The following COL7A1 variants were observed in gnomAD, a reference collection of about 807,000 sequenced individuals.
The protein encoded by COL7A1 is collagen alpha-1(VII) chain.
Under a neutral mutation model 456.2 loss-of-function variants are expected in COL7A1, and 296 were observed. The observed-to-expected ratio is 0.65, with a 90% confidence interval of 0.59 to 0.71. COL7A1 has a LOEUF of 0.71. COL7A1 is among the 30% of genes least tolerant of loss of function. COL7A1 has a pLI of 0.00. For synonymous variants in COL7A1, 1,464 were observed against 1,525.9 expected (o/e 0.96, Z 0.95); for missense variants, 3,441 against 4,017.2 (o/e 0.86, Z 3.88).
rs777935673 is a variant in COL7A1, at chr3:48,565,096, C to G, written c.8620+13G>C. ...CCCCTCCCCAGACCCCGCTGGCAGCCCCCCATTCTCACCATCACTATCCCA... is the reference window on the plus strand; with the variant it reads ...CCCCTCCCCAGACCCCGCTGGCAGCGCCCCATTCTCACCATCACTATCCCA... On this transcript the variant is annotated intron_variant, in intron 117 of 118. Coordinates refer to ENST00000681320, the MANE Select transcript of COL7A1 (RefSeq NM_000094.4). The surrounding 1 kb of genome is among the most constrained non-coding windows in gnomAD (Gnocchi z 4.5). 1 of 1,511,110 alleles carries G rather than the reference C, an allele frequency of 6.6e-7. No homozygotes were observed. Among genetic ancestry groups the G allele is most frequent in the South Asian group, 1.1e-5 (1 of 88,200 alleles). The allele number at this position is 1,511,110 out of a possible 1,614,324, so 93.6% of individuals were successfully genotyped here.
rs2043696967 is a variant in COL7A1 at position 48,568,236 on chromosome 3, G to C, written c.7795-66C>G. 1.3e-6 allele frequency: 2 copies of C among 1,559,664 alleles called. No individual in the cohort carries two copies. Among genetic ancestry groups the C allele is most frequent in the Non-Finnish European group, 1.8e-6 (2 of 1,138,982 alleles). On this transcript the variant is annotated intron_variant, in intron 105 of 118. Transcript: ENST00000681320. The surrounding 1 kb of genome is among the most constrained non-coding windows in gnomAD (Gnocchi z 5.2). ...TGAGGGACCAAAGAGAATCGCCCTG[G>C]ATAGTGGGTAGGGAACACCATGGGG... is the stretch of plus-strand genomic sequence containing the variant.
Position 48,590,963 on chromosome 3 carries a change from G to T in COL7A1, c.1637-147C>A. 1.1e-6 allele frequency: 1 copy of T among 896,480 alleles called. No individual in the cohort carries two copies. The highest frequency in any genetic ancestry group is 1.8e-6 in the Non-Finnish European group (1 of 567,250). 55.5% of individuals were successfully genotyped at this position (896,480 alleles called of 1,614,324 possible). ...GGGACCAGAGAGCTGGGATATGGCTGAAAAAAGTGAGTGCAAGACAAGGAC... is the reference window on the plus strand; with the variant it reads ...GGGACCAGAGAGCTGGGATATGGCTTAAAAAAGTGAGTGCAAGACAAGGAC... On this transcript the variant is annotated intron_variant, in intron 13 of 118. Transcript: ENST00000681320. The surrounding 1 kb of genome is among the most constrained non-coding windows in gnomAD (Gnocchi z 4.6).
chr3:48,592,915 G>A lies in COL7A1; in HGVS notation c.706C>T (p.Arg236Ter), dbSNP rs121912854. The A allele has an allele frequency of 7.4e-6, 12 of 1,613,848 alleles. No homozygotes were observed. Among genetic ancestry groups the A allele is most frequent in the African/African-American group, 2.7e-5 (2 of 74,936 alleles). The change falls in exon 7 of 119, where the codon CGA (arginine) becomes TGA (stop). Residue 236 changes from arginine to a stop codon, truncating the protein, a stop_gained. Coordinates refer to ENST00000681320, the MANE Select transcript of COL7A1 (RefSeq NM_000094.4). LOFTEE classifies it high-confidence loss of function. This position sits in a 1 kb window ranked among gnomAD's most constrained non-coding sequence, Gnocchi z 7.6. ...CTTGGCTCAGACAGCACCAGGTCTC[G>A]TGGAGCAGAGGTCGAGTCATCCGCT... Reference protein sequence around the residue: ...RPPDDSTSAPRDLVLSEPSSQ... With the variant: ...RPPDDSTSAP
At position 48,585,918 on chromosome 3, in the gene COL7A1, C is replaced by T; in HGVS notation, c.3759+22G>A. On this transcript the variant is annotated intron_variant, in intron 29 of 118. Coordinates refer to ENST00000681320, the MANE Select transcript of COL7A1 (RefSeq NM_000094.4). This position sits in a 1 kb window ranked among gnomAD's most constrained non-coding sequence, Gnocchi z 4.5. Reference sequence around the variant, plus strand: ...TAGCCCCAGGTGCAGCCTCTGTTCACCTCTCGATGAGGGACTCTTACCTTT... The same window carrying T: ...TAGCCCCAGGTGCAGCCTCTGTTCATCTCTCGATGAGGGACTCTTACCTTT... 1 of 1,614,142 alleles carries T rather than the reference C, an allele frequency of 6.2e-7. No individual in the cohort carries two copies. Among genetic ancestry groups the T allele is most frequent in the Non-Finnish European group, 8.5e-7 (1 of 1,180,030 alleles).
chr3:48,583,028 G>T lies in COL7A1; in HGVS notation c.4503C>A (p.Gly1501=). Residue 1501 remains glycine (G), a synonymous_variant, in exon 44 of 119, where the codon GGC becomes GGA. Transcript: ENST00000681320. The surrounding 1 kb of genome is among the most constrained non-coding windows in gnomAD (Gnocchi z 5.1). ...GTGGGTTTACCCGGGATCCCGCTGG[G>T]CCTGGGGGTCCACGTTCGCCCTGAT... is the stretch of plus-strand genomic sequence containing the variant. ...AGEKGERGPP[G]PAGSRGLPGV... The T allele has an allele frequency of 6.2e-7, 1 of 1,614,028 alleles. No individual in the cohort carries two copies.
rs141002543 is a variant in COL7A1 at position 48,590,895 on chromosome 3, C to A, written c.1637-79G>T. On this transcript the variant is annotated intron_variant, in intron 13 of 118. Coordinates refer to ENST00000681320, the MANE Select transcript of COL7A1 (RefSeq NM_000094.4). This position sits in a 1 kb window ranked among gnomAD's most constrained non-coding sequence, Gnocchi z 4.6. Reference sequence around the variant, plus strand: ...GGACGATGGCAGTGATGGACAGGGACGCAGAGTGAGAAGGGCCATGGGGGT... The same window carrying A: ...GGACGATGGCAGTGATGGACAGGGAAGCAGAGTGAGAAGGGCCATGGGGGT... 1.4e-6 allele frequency: 2 copies of A among 1,444,910 alleles called. No individual in the cohort carries two copies. The highest frequency in any genetic ancestry group is 1.1e-5 in the South Asian group (1 of 87,616). The allele number at this position is 1,444,910 out of a possible 1,614,324, so 89.5% of individuals were successfully genotyped here. A position where few individuals can be genotyped will look rare whatever the true frequency, so the allele number is the denominator to read the frequency against.
chr3:48,592,407 G>A lies in COL7A1; in HGVS notation c.1037C>T (p.Ala346Val). The A allele has an allele frequency of 1.2e-6, 2 of 1,613,798 alleles. No individual in the cohort carries two copies. Among genetic ancestry groups the A allele is most frequent in the Non-Finnish European group, 1.7e-6 (2 of 1,180,038 alleles). Residue 346 changes from alanine (A) to valine (V), a missense_variant, in exon 9 of 119, where the codon GCC becomes GTC. Ala to Val is a moderately conservative substitution (Grantham distance 64). Coordinates refer to ENST00000681320, the MANE Select transcript of COL7A1 (RefSeq NM_000094.4). This position sits in a 1 kb window ranked among gnomAD's most constrained non-coding sequence, Gnocchi z 7.6. ...AGTGGCACCTGGCACACTCCGCCAG[G>A]CCACCAGGAGGCTGTGGGCTGTGGT... ...QNTTAHSLLV[A>V]WRSVPGATGY...
At position 48,587,993 on chromosome 3, in the gene COL7A1, G is replaced by C. The variant is rs2045403969; in HGVS notation, c.2711-54C>G. ...GAGCATGTGGGATAGTGACACCTGGGGGCATTAAAGGGCCTGCCCACTTCA... is the reference window on the plus strand; with the variant it reads ...GAGCATGTGGGATAGTGACACCTGGCGGCATTAAAGGGCCTGCCCACTTCA... On this transcript the variant is annotated intron_variant, in intron 21 of 118. Transcript: ENST00000681320. The surrounding 1 kb of genome is among the most constrained non-coding windows in gnomAD (Gnocchi z 6.1). 7 of 1,530,728 alleles carry C rather than the reference G, an allele frequency of 4.6e-6. No homozygotes were observed. The highest frequency in any genetic ancestry group is 6.2e-6 in the Non-Finnish European group (7 of 1,131,934). The allele number at this position is 1,530,728 out of a possible 1,614,324, so 94.8% of individuals were successfully genotyped here. A position where few individuals can be genotyped will look rare whatever the true frequency, so the allele number is the denominator to read the frequency against.
rs2044695939 is a variant in COL7A1, at chr3:48,580,775, A to G, written c.4980+107T>C. 6.4e-7 allele frequency: 1 copy of G among 1,563,734 alleles called. No individual in the cohort carries two copies. Among genetic ancestry groups the G allele is most frequent in the African/African-American group, 1.4e-5 (1 of 73,530 alleles). ...CCACATCAGAGGTTCCCATCACCCCATGCCTCCCTGCAGGGACTCCCATCA... is the reference window on the plus strand; with the variant it reads ...CCACATCAGAGGTTCCCATCACCCCGTGCCTCCCTGCAGGGACTCCCATCA... On this transcript the variant is annotated intron_variant, in intron 54 of 118. Coordinates refer to ENST00000681320, the MANE Select transcript of COL7A1 (RefSeq NM_000094.4). This position sits in a 1 kb window ranked among gnomAD's most constrained non-coding sequence, Gnocchi z 4.5.
At position 48,587,859 on chromosome 3, in the gene COL7A1, G is replaced by C. The variant is rs143979792; in HGVS notation, c.2791C>G (p.Arg931Gly). Reference sequence around the variant, plus strand: ...GGCCCTAGGACACTCAGCCTCACGCGGTACTGTGTCGCTGGCTCCAGCCCG... The same window carrying C: ...GGCCCTAGGACACTCAGCCTCACGCCGTACTGTGTCGCTGGCTCCAGCCCG... ...LDGLEPATQYRVRLSVLGPAG... is the reference protein window; with the variant it reads ...LDGLEPATQYGVRLSVLGPAG... The change falls in exon 22 of 119, where the codon CGC becomes GGC. Residue 931 changes from arginine (R) to glycine (G), a missense_variant. Coordinates refer to ENST00000681320, the MANE Select transcript of COL7A1 (RefSeq NM_000094.4). The surrounding 1 kb of genome is among the most constrained non-coding windows in gnomAD (Gnocchi z 6.1). 5 of 1,613,054 alleles carry C rather than the reference G, an allele frequency of 3.1e-6. No homozygotes were observed. In the Admixed American group the frequency reaches 8.3e-5, roughly 27 times the overall value.
In COL7A1 at chr3:48,579,514, C is replaced by T. The variant is rs1287350458; in HGVS notation, c.5237G>A (p.Gly1746Asp). The T allele has an allele frequency of 1.2e-6, 2 of 1,614,004 alleles. No homozygotes were observed. Among genetic ancestry groups the T allele is most frequent in the Non-Finnish European group, 1.7e-6 (2 of 1,180,022 alleles). ...TGGGGGTCCCCGAAACCCTTCAATG[C>T]CCTGAGGATAGGGGAGGAAGAAATC... ...PGLPGAPGERGIEGFRGPPGP... is the reference protein window; with the variant it reads ...PGLPGAPGERDIEGFRGPPGP... The change falls in exon 60 of 119, where the codon GGC becomes GAC. Residue 1746 changes from glycine to aspartate, a missense_variant and splice_region_variant. By Grantham distance (94) the Gly-to-Asp change is moderately conservative (BLOSUM62 -1). This residue lies in a region of COL7A1 where 2,084 missense variants were observed against 2,501.3 expected (regional missense o/e 0.83). Transcript: ENST00000681320. The surrounding 1 kb of genome is among the most constrained non-coding windows in gnomAD (Gnocchi z 4.4).
Position 48,569,294 on chromosome 3 carries a change from TC to T in COL7A1, c.7686+80del. The T allele has an allele frequency of 1.3e-6, 2 of 1,541,240 alleles. No homozygotes were observed. Among genetic ancestry groups the T allele is most frequent in the Non-Finnish European group, 1.8e-6 (2 of 1,114,048 alleles). On this transcript the variant is annotated intron_variant, in intron 103 of 118. Coordinates refer to ENST00000681320, the MANE Select transcript of COL7A1 (RefSeq NM_000094.4). This position sits in a 1 kb window ranked among gnomAD's most constrained non-coding sequence, Gnocchi z 4.9. ...AACCCCAGAAAGCCTCCTCCTGTCC[TC>T]CCCTCCTGCCCTCACAGATGCTGTG...
At chr3:48,584,255 G>T in intron 37 of COL7A1, 43 bp downstream of exon 37, 1 of 1,569,316 alleles carries the variant, frequency 6.4e-7, no homozygotes, top group African/African-American at 1.4e-5. Context: ...TTCAAATGGG[G>T]TCACCAGGTC....
At position 48,570,413 on chromosome 3, in the gene COL7A1, G is replaced by A. The variant is rs527327654; in HGVS notation, c.7380+52C>T. The A allele has an allele frequency of 2.5e-6, 4 of 1,614,004 alleles. No individual in the cohort carries two copies. In the South Asian group the frequency reaches 4.4e-5, roughly 18 times the overall value. ...GGGTCATGGGAGGTCAGTGGAGGCT[G>A]AAGGGGGTGACCAGGGCACAAGAGA... On this transcript the variant is annotated intron_variant, in intron 97 of 118. Transcript: ENST00000681320. This position sits in a 1 kb window ranked among gnomAD's most constrained non-coding sequence, Gnocchi z 5.5.
Position 48,583,200 on chromosome 3 carries a change from A to G in COL7A1, c.4438-29T>C, listed in dbSNP as rs771968312. 6.2e-7 allele frequency: 1 copy of G among 1,613,056 alleles called. No homozygotes were observed. Among genetic ancestry groups the G allele is most frequent in the Non-Finnish European group, 8.5e-7 (1 of 1,179,642 alleles). ...AAGAGAGAGGGTGAGAGAAAGACAG[A>G]GAGAGAGAGGGTTGGTGGCGGGGCT... On this transcript the variant is annotated intron_variant, in intron 42 of 118. Transcript: ENST00000681320. The surrounding 1 kb of genome is among the most constrained non-coding windows in gnomAD (Gnocchi z 5.1).
chr3:48,592,836 T>C lies in COL7A1; in HGVS notation c.785A>G (p.Tyr262Cys). The C allele has an allele frequency of 6.2e-7, 1 of 1,613,886 alleles. No homozygotes were observed. Among genetic ancestry groups the C allele is most frequent in the Non-Finnish European group, 8.5e-7 (1 of 1,180,024 alleles). ...WTAASGPVTG[Y>C]KVQYTPLTGL... is the part of the protein sequence containing the mutation. ...CGTCAGAGGAGTGTACTGGACCTTG[T>C]AGCCAGTCACAGGGCCACTGGCCGC... is the stretch of plus-strand genomic sequence containing the variant. Residue 262 changes from tyrosine (Y) to cysteine (C), a missense_variant, in exon 7 of 119, where the codon TAC becomes TGC. By Grantham distance (194) the Tyr-to-Cys change is radical. This residue lies in a region of COL7A1 where 913 missense variants were observed against 1,088.2 expected (regional missense o/e 0.84). Coordinates refer to ENST00000681320, the MANE Select transcript of COL7A1 (RefSeq NM_000094.4). This position sits in a 1 kb window ranked among gnomAD's most constrained non-coding sequence, Gnocchi z 7.6.
In COL7A1 at chr3:48,564,135, T is replaced by A; in HGVS notation, c.*271A>T. On this transcript the variant is annotated 3_prime_UTR_variant, in exon 119 of 119. Transcript: ENST00000681320. The surrounding 1 kb of genome is among the most constrained non-coding windows in gnomAD (Gnocchi z 6.0). Reference sequence around the variant, plus strand: ...AGCACCATGTCATCACAGGCTTGGGTCAAGGGGCGGGTCAGACGCCAGTCA... The same window carrying A: ...AGCACCATGTCATCACAGGCTTGGGACAAGGGGCGGGTCAGACGCCAGTCA... The A allele has an allele frequency of 1.8e-6, 1 of 562,100 alleles. No individual in the cohort carries two copies. Among genetic ancestry groups the A allele is most frequent in the African/African-American group, 1.9e-5 (1 of 53,234 alleles). The allele number at this position is 562,100 out of a possible 1,614,324, so 34.8% of individuals were successfully genotyped here.
In COL7A1 at chr3:48,569,324, C is replaced by A. The variant is rs779386087; in HGVS notation, c.7686+51G>T. ...TCCTGCCCTCACAGATGCTGTGGAA[C>A]CACCACAGCCACAGGACCCCACAGA... is the stretch of plus-strand genomic sequence containing the variant. On this transcript the variant is annotated intron_variant, in intron 103 of 118. Coordinates refer to ENST00000681320, the MANE Select transcript of COL7A1 (RefSeq NM_000094.4). This position sits in a 1 kb window ranked among gnomAD's most constrained non-coding sequence, Gnocchi z 4.9. 5.7e-6 allele frequency: 9 copies of A among 1,591,420 alleles called. No individual in the cohort carries two copies. In the African/African-American group the frequency reaches 1.1e-4, roughly 19 times the overall value.
rs145560366 is a variant in COL7A1, at chr3:48,571,586, CAG to C, written c.7069-310_7069-309del. ...ACGTGAGTGCGGACACACGGGCGCTCAGAGGGGAACCCCAACACGTCCACTCC... is the reference window on the plus strand; with the variant it reads ...ACGTGAGTGCGGACACACGGGCGCTCAGGGGAACCCCAACACGTCCACTCC... On this transcript the variant is annotated intron_variant, in intron 92 of 118. Transcript: ENST00000681320. This position sits in a 1 kb window ranked among gnomAD's most constrained non-coding sequence, Gnocchi z 4.6. 5,344 of 669,430 alleles carry C rather than the reference CAG, an allele frequency of 8.0e-3. 218 individuals carry two copies. The African/African-American group carries it at 0.085, about 11-fold the overall frequency. 41.5% of individuals were successfully genotyped at this position (669,430 alleles called of 1,614,324 possible). A position where few individuals can be genotyped will look rare whatever the true frequency, so the allele number is the denominator to read the frequency against.
Sources: allele counts gnomAD v4.1 joint callset, GRCh38; gene constraint gnomAD v4.1.1; regional missense constraint gnomAD v4.1.1; non-coding constraint Gnocchi (gnomAD v3.1); transcripts MANE v1.5; gene names NCBI Gene and HGNC (gene_info 2026-07-23, HGNC 2026-07-21).